Variants in BOD1L1 observed in about 807,000 individuals in gnomAD.
The protein encoded by BOD1L1 is biorientation of chromosomes in cell division protein 1-like 1.
Under a neutral mutation model 240.7 loss-of-function variants are expected in BOD1L1, and 86 were observed. That is an observed-to-expected ratio of 0.36 (90% CI 0.30 to 0.43). The LOEUF (loss-of-function observed/expected upper bound fraction) is 0.43, where lower values mean the gene tolerates loss of function less well. BOD1L1 is among the 20% of genes least tolerant of loss of function. The probability of loss-of-function intolerance (pLI) is 1.00; values close to 1 mark genes in which losing one functional copy is unlikely to be tolerated. For missense variants in BOD1L1, 3,554 were observed against 3,643.5 expected (o/e 0.98, Z 0.63); for synonymous variants, 1,268 against 1,272.3 (o/e 1.00, Z 0.07).
Position 13,614,118 on chromosome 4 carries a change from A to G in BOD1L1, c.1174+78T>C. ...TATTAAATAAACTTATTAAAATATG[A>G]AGGCAAATTTGATACTTCCCTGATC... is the stretch of plus-strand genomic sequence containing the variant. On this transcript the variant is annotated intron_variant, in intron 4 of 25. Transcript: ENST00000040738. 5 of 1,260,512 alleles carry G rather than the reference A, an allele frequency of 4.0e-6. No homozygotes were observed. The Middle Eastern group carries it at 8.4e-4, about 212-fold the overall frequency. The allele number at this position is 1,260,512 out of a possible 1,614,324, so 78.1% of individuals were successfully genotyped here.
intron 25 of BOD1L1, chr4:13,572,593 C>G (rs544647554): frequency 9.5e-7 from 1 of 1,056,752 alleles, no homozygotes; most frequent in East Asian, 6.0e-5. Context: ...TCCCCAAAAA[C>G]AGTTATTTGG....
At chr4:13,577,926 CAG>C (rs748756545) in intron 22 of BOD1L1, 71 of 250,696 alleles carry the variant, frequency 2.8e-4, no homozygotes, top group South Asian at 2.2e-3. Context: ...TTTTCTAAGA[CAG>C]AGTTTCACTC....
At chr4:13,587,065 T>C (rs1201072194) in intron 16 of BOD1L1, among the ~76,000 whole-genome samples, 3 of 152,234 alleles carry the variant, frequency 2.0e-5, no homozygotes, top group Non-Finnish European at 4.4e-5. Context: ...ATTCAATAAG[T>C]ATTGAACTTC....
At position 13,592,033 on chromosome 4, in the gene BOD1L1, T is replaced by C. The variant is rs910031896; in HGVS notation, c.8105-67A>G. 5.5e-6 allele frequency: 7 copies of C among 1,279,808 alleles called. No individual in the cohort carries two copies. In the African/African-American group the frequency reaches 7.6e-5, roughly 14 times the overall value. The allele number at this position is 1,279,808 out of a possible 1,614,324, so 79.3% of individuals were successfully genotyped here. A position where few individuals can be genotyped will look rare whatever the true frequency, so the allele number is the denominator to read the frequency against. ...GTTTCTGAAATGCAGAGAAACAAAT[T>C]TGAAGATTTTTAGGATAGGGAACCT... On this transcript the variant is annotated intron_variant, in intron 12 of 25. Coordinates refer to ENST00000040738, the MANE Select transcript of BOD1L1 (RefSeq NM_148894.3).
In BOD1L1 at chr4:13,627,458, C is replaced by G; in HGVS notation, c.130G>C (p.Ala44Pro). 8.6e-7 allele frequency: 1 copy of G among 1,157,550 alleles called. No homozygotes were observed. The allele number at this position is 1,157,550 out of a possible 1,614,324, so 71.7% of individuals were successfully genotyped here. Residue 44 changes from alanine (A) to proline (P), a missense_variant, in exon 1 of 26, where the codon GCG (alanine) becomes CCG (proline). This residue lies in a region of BOD1L1 where 161 missense variants were observed against 216.4 expected (regional missense o/e 0.74). Coordinates refer to ENST00000040738, the MANE Select transcript of BOD1L1 (RefSeq NM_148894.3). ...AGPGAGGAGG[A>P]GAGAGDPQLV... ...TGCGGGTCCCCGGCGCCCGCACCCG[C>G]GCCGCCCGCCCCGCCCGCGCCGGGG...
chr4:13,613,364 G>T lies in BOD1L1; in HGVS notation c.1324+148C>A. 1 of 684,490 alleles carries T rather than the reference G, an allele frequency of 1.5e-6. No individual in the cohort carries two copies. The highest frequency in any genetic ancestry group is 2.2e-6 in the Non-Finnish European group (1 of 445,184). The allele number at this position is 684,490 out of a possible 1,614,324, so 42.4% of individuals were successfully genotyped here. Reference sequence around the variant, plus strand: ...CAAGCTTGCTCAGACAGACAACTTTGGAGCTGGGACTCAGAAACAAATCTT... The same window carrying T: ...CAAGCTTGCTCAGACAGACAACTTTTGAGCTGGGACTCAGAAACAAATCTT... On this transcript the variant is annotated intron_variant, in intron 5 of 25. Coordinates refer to ENST00000040738, the MANE Select transcript of BOD1L1 (RefSeq NM_148894.3). The surrounding 1 kb of genome is among the most constrained non-coding windows in gnomAD (Gnocchi z 4.0).
chr4:13,584,451 T>A lies in BOD1L1; in HGVS notation c.8434-1715A>T, dbSNP rs779914600. Among the ~76,000 whole-genome samples the A allele has an allele frequency of 5.3e-3, 749 of 141,642 alleles. 7 individuals are homozygous for A. Among genetic ancestry groups the A allele is most frequent in the Non-Finnish European group, 6.5e-3 (435 of 67,172 alleles). 92.9% of individuals were successfully genotyped at this position (141,642 alleles called of 152,430 possible). On this transcript the variant is annotated intron_variant, in intron 17 of 25. Transcript: ENST00000040738. ...GAGAAAGAGAGAGAGAGTGTGTGTG[T>A]GTGTGTGTGTGTGTGTGTGTGTGTG...
At chr4:13,581,295 A>C (rs1187520876) in intron 19 of BOD1L1, 88 bp from the exon 20 acceptor site, 2 of 958,416 alleles carry the variant, frequency 2.1e-6, no homozygotes, top group Non-Finnish European at 3.1e-6. Context: ...TCAGATTTAG[A>C]GTTCCTGTCT....
chr4:13,604,682 A>G lies in BOD1L1; in HGVS notation c.2218T>C (p.Ser740Pro). 2.5e-6 allele frequency: 4 copies of G among 1,593,142 alleles called. No individual in the cohort carries two copies. The highest frequency in any genetic ancestry group is 1.7e-6 in the Non-Finnish European group (2 of 1,174,710). ...REKTPSEDKL[S>P]VKHKYKGDCM... ...TCACCTTTATATTTATGTTTCACAG[A>G]CAATTTGTCTTCCGATGGAGTTTTC... is the stretch of plus-strand genomic sequence containing the variant. Residue 740 changes from serine (S) to proline (P), a missense_variant, in exon 10 of 26, where the codon TCT (serine) becomes CCT (proline). Physicochemically the swap from Ser to Pro is moderately conservative, Grantham distance 74. This residue lies in a region of BOD1L1 where 3,393 missense variants were observed against 3,427.1 expected (regional missense o/e 0.99). Transcript: ENST00000040738.
rs770920248 is a variant in BOD1L1 at position 13,604,968 on chromosome 4, G to C, written c.1932C>G (p.Asn644Lys). ...CTCTTTCTAATTTGGATTCATTTTTGTTTTCGTCAACTACATGCAAAGACT... is the reference window on the plus strand; with the variant it reads ...CTCTTTCTAATTTGGATTCATTTTTCTTTTCGTCAACTACATGCAAAGACT... ...LSESLHVVDE[N>K]KNESKLEREH... The change falls in exon 10 of 26, where the codon AAC becomes AAG. Residue 644 changes from asparagine (N) to lysine (K), a missense_variant. Physicochemically the swap from Asn to Lys is moderately conservative, Grantham distance 94. Around this residue, in one of 2 missense-constraint regions of BOD1L1, gnomAD observed 3,393 missense variants for 3,427.1 expected, o/e 0.99. Transcript: ENST00000040738. 1 of 1,613,296 alleles carries C rather than the reference G, an allele frequency of 6.2e-7. No homozygotes were observed. Among genetic ancestry groups the C allele is most frequent in the Non-Finnish European group, 8.5e-7 (1 of 1,179,676 alleles).
chr4:13,577,532 T>C (rs1291439467), intron 23 of BOD1L1, 45 bp from the exon 24 acceptor site: 3 of 1,599,000 alleles, frequency 1.9e-6, no homozygotes, highest in Non-Finnish European at 2.6e-6. Context: ...CAGCTGAGCA[T>C]TTAAGTTGAT....
Position 13,604,673 on chromosome 4 carries a change from G to A in BOD1L1, c.2227C>T (p.His743Tyr). 6.3e-7 allele frequency: 1 copy of A among 1,591,026 alleles called. No homozygotes were observed. Among genetic ancestry groups the A allele is most frequent in the Non-Finnish European group, 8.5e-7 (1 of 1,174,012 alleles). ...TGCATACAATCACCTTTATATTTAT[G>A]TTTCACAGACAATTTGTCTTCCGAT... ...TPSEDKLSVK[H>Y]KYKGDCMHKT... The change falls in exon 10 of 26, where the codon CAT (histidine) becomes TAT (tyrosine). Residue 743 changes from histidine (H) to tyrosine (Y), a missense_variant. This residue lies in a region of BOD1L1 where 3,393 missense variants were observed against 3,427.1 expected (regional missense o/e 0.99). Coordinates refer to ENST00000040738, the MANE Select transcript of BOD1L1 (RefSeq NM_148894.3).
rs775718541 is a variant in BOD1L1, at chr4:13,599,075, A to G, written c.7825T>C (p.Tyr2609His). The G allele has an allele frequency of 1.9e-6, 3 of 1,613,974 alleles. No individual in the cohort carries two copies. In the South Asian group the frequency reaches 3.3e-5, roughly 18 times the overall value. Residue 2609 changes from tyrosine to histidine, a missense_variant, in exon 10 of 26, where the codon TAT (tyrosine) becomes CAT (histidine). Tyr to His is a moderately conservative substitution (Grantham distance 83, BLOSUM62 2). Coordinates refer to ENST00000040738, the MANE Select transcript of BOD1L1 (RefSeq NM_148894.3). ...GCTTGATCAGTCCATTTGCCACTAT[A>G]ATCATTCTTTATAGTCAAGTCCTGC... Reference protein sequence around the residue: ...CEQDLTIKNDYSGKWTDQASA... With the variant: ...CEQDLTIKNDHSGKWTDQASA...
chr4:13,594,108 T>C (rs377745699), intron 12 of BOD1L1, among the ~76,000 whole-genome samples: 13 of 152,240 alleles, frequency 8.5e-5, no homozygotes, highest in Non-Finnish European at 1.8e-4. Context: ...TCTTTGGAGC[T>C]ATCTGCATCC....
At chr4:13,571,803 A>C (rs1294898132) in intron 25 of BOD1L1, among the ~76,000 whole-genome samples, 2 of 152,190 alleles carry the variant, frequency 1.3e-5, no homozygotes, top group Non-Finnish European at 2.9e-5. Flanking sequence ...AACCTTCCTG[A>C]GATTCTTTCC....
intron 9 of BOD1L1, among the ~76,000 whole-genome samples, chr4:13,605,545 T>G (rs924776371): frequency 3.3e-5 from 5 of 152,166 alleles, no homozygotes; most frequent in African/African-American, 7.2e-5. Flanking sequence ...CTCCTTCCAG[T>G]ATATCACAGG....
At chr4:13,598,806 A>G (rs1714823669) in intron 10 of BOD1L1, 140 bp downstream of exon 10, 2 of 860,696 alleles carry the variant, frequency 2.3e-6, no homozygotes, top group African/African-American at 3.4e-5. Flanking sequence ...ATTTTGCAAC[A>G]TTATGATATG....
In BOD1L1 at chr4:13,603,401, A is replaced by T; in HGVS notation, c.3499T>A (p.Leu1167Met). Residue 1167 changes from leucine (L) to methionine (M), a missense_variant, in exon 10 of 26, where the codon TTG (leucine) becomes ATG (methionine). Transcript: ENST00000040738. ...TTTGAATCTGCTGTGCAAGTTCTCA[A>T]TTCATCCTTTTGAACAGTGGCAGAA... ...KTSATVQKDE[L>M]RTCTADSKAT... 6.8e-6 allele frequency: 11 copies of T among 1,613,898 alleles called. No individual in the cohort carries two copies. The highest frequency in any genetic ancestry group is 9.3e-6 in the Non-Finnish European group (11 of 1,179,872).
intron 14 of BOD1L1, among the ~76,000 whole-genome samples, chr4:13,589,936 A>G (rs1714060988): frequency 6.6e-6 from 1 of 152,208 alleles, no homozygotes; most frequent in Admixed American, 6.5e-5. Flanking sequence ...TTTTCTGTTC[A>G]GAGTTGGCAG....
Sources: gnomAD v4.1 joint callset for allele counts (sites outside exome capture counted in the v4.1 genomes callset) on GRCh38, gnomAD v4.1.1 for gene constraint, gnomAD v4.1.1 regional missense constraint, Gnocchi (gnomAD v3.1) non-coding constraint, MANE v1.5 for transcripts, NCBI Gene and HGNC (gene_info 2026-07-23, HGNC 2026-07-21) for gene names.